ATP10D: variants seen among roughly 807,000 people sequenced by gnomAD.
The protein encoded by ATP10D is ATPase phospholipid transporting 10D (putative).
A neutral mutation model predicts 144.8 loss-of-function variants in ATP10D; 89 were observed. The ratio of observed to expected loss-of-function variants is 0.61; its 90% confidence interval spans 0.52 to 0.73. ATP10D has a LOEUF of 0.73. Among genes scored for constraint, ATP10D ranks in the 30% least tolerant of loss-of-function variants. The probability of loss-of-function intolerance (pLI) is 0.00; values close to 1 mark genes in which losing one functional copy is unlikely to be tolerated. For synonymous variants in ATP10D, 571 were observed against 615.1 expected (o/e 0.93, Z 1.06); for missense variants, 1,603 against 1,714.8 (o/e 0.93, Z 1.15).
At chr4:47,550,902 A>C (rs923814992) in intron 10 of ATP10D, among the ~76,000 whole-genome samples, 1 of 152,236 alleles carries the variant, frequency 6.6e-6, no homozygotes, top group Non-Finnish European at 1.5e-5. Flanking sequence ...GAGCCATAAC[A>C]AACACGGACC....
rs567559187 is a variant in ATP10D at position 47,486,224 on chromosome 4, A to G, written c.-38+705A>G. 8.2e-4 allele frequency among the ~76,000 whole-genome samples: 125 copies of G among 152,352 alleles called. 1 individual carries two copies. The highest frequency in any genetic ancestry group is 1.9e-3 in the South Asian group (9 of 4,834). ...TTACCACGTACAGCAGAGAGACATC[A>G]GTTGGTTAGGGAATGGATGGTTATT... On this transcript the variant is annotated intron_variant, in intron 1 of 22. Coordinates refer to ENST00000273859, the MANE Select transcript of ATP10D (RefSeq NM_020453.4).
chr4:47,589,756 T>G (rs1376442155), intron 22 of ATP10D, among the ~76,000 whole-genome samples: 1 of 152,172 alleles, frequency 6.6e-6, no homozygotes, highest in Non-Finnish European at 1.5e-5. Context: ...ATTTTATGAC[T>G]ATACCATTAA....
intron 15 of ATP10D, 83 bp from the exon 16 acceptor site, chr4:47,568,754 G>A (rs1480193561): frequency 5.7e-6 from 7 of 1,229,020 alleles, no homozygotes; most frequent in Non-Finnish European, 6.9e-6. Flanking sequence ...TTCAGCAATT[G>A]CTAAAAAATG....
chr4:47,538,776 G>T (rs973274487), intron 9 of ATP10D, among the ~76,000 whole-genome samples: 2 of 152,146 alleles, frequency 1.3e-5, no homozygotes, highest in Non-Finnish European at 2.9e-5. Context: ...GCTCCAAGAG[G>T]TTGCTTGCTG....
intron 21 of ATP10D, among the ~76,000 whole-genome samples, chr4:47,584,347 C>T (rs1720677557): frequency 6.6e-6 from 1 of 152,106 alleles, no homozygotes; most frequent in Admixed American, 6.6e-5. Context: ...CACTATCTCA[C>T]TTGCCAAAGG....
intron 1 of ATP10D, among the ~76,000 whole-genome samples, chr4:47,488,578 C>A: frequency 9.0e-6 from 1 of 110,656 alleles, no homozygotes. Context: ...GACAAAATAC[C>A]ACTTTCAGAA....
rs202028690 is a variant in ATP10D, at chr4:47,512,691, C to T, written c.151C>T (p.Arg51Trp). The change falls in exon 2 of 23, where the codon CGG becomes TGG. Residue 51 changes from arginine to tryptophan, a missense_variant. Transcript: ENST00000273859. ...SQTPKLSGRH[R>W]IVVPHIQPFK... ...GACCCCTAAACTGTCAGGAAGGCAC[C>T]GGATTGTTGTTCCCCACATCCAGCC... 120 of 1,614,036 alleles carry T rather than the reference C, an allele frequency of 7.4e-5. No homozygotes were observed. The highest frequency in any genetic ancestry group is 1.6e-4 in the East Asian group (7 of 44,888).
At chr4:47,571,336 A>G (rs1719941292) in intron 16 of ATP10D, among the ~76,000 whole-genome samples, 3 of 148,690 alleles carry the variant, frequency 2.0e-5, no homozygotes, top group African/African-American at 4.9e-5. Flanking sequence ...TATATCATGC[A>G]TTATGTAATA....
chr4:47,545,839 A>G (rs1577669407), intron 9 of ATP10D, among the ~76,000 whole-genome samples: 1 of 152,180 alleles, frequency 6.6e-6, no homozygotes, highest in East Asian at 1.9e-4. Flanking sequence ...AGGATCTATT[A>G]TAAATTGTGT....
chr4:47,512,662 C>G lies in ATP10D; in HGVS notation c.122C>G (p.Ser41Cys). The G allele has an allele frequency of 6.2e-7, 1 of 1,614,168 alleles. No individual in the cohort carries two copies. The highest frequency in any genetic ancestry group is 8.5e-7 in the Non-Finnish European group (1 of 1,180,026). ...SSLLACGRKSSQTPKLSGRHR... is the reference protein window; with the variant it reads ...SSLLACGRKSCQTPKLSGRHR... ...TTGCTCGCCTGTGGGCGCAAGTCCTCTCAGACCCCTAAACTGTCAGGAAGG... is the reference window on the plus strand; with the variant it reads ...TTGCTCGCCTGTGGGCGCAAGTCCTGTCAGACCCCTAAACTGTCAGGAAGG... The change falls in exon 2 of 23, where the codon TCT becomes TGT. Residue 41 changes from serine (S) to cysteine (C), a missense_variant. Physicochemically the swap from Ser to Cys is moderately radical, Grantham distance 112 (BLOSUM62 -1). Transcript: ENST00000273859.
chr4:47,496,971 A>G lies in ATP10D; in HGVS notation c.-38+11452A>G, dbSNP rs113008635. Among the ~76,000 whole-genome samples, 313 of 152,132 alleles carry G rather than the reference A, an allele frequency of 2.1e-3. 2 individuals carry two copies. The highest frequency in any genetic ancestry group is 7.2e-3 in the African/African-American group (299 of 41,536). On this transcript the variant is annotated intron_variant, in intron 1 of 22. Transcript: ENST00000273859. ...ATTCTCATGCCTCAGCCTCCTGAGT[A>G]GCTGTGATTACAGTTGCCCGCTACC...
chr4:47,512,156 A>T (rs989481256), intron 1 of ATP10D, among the ~76,000 whole-genome samples: 16 of 152,204 alleles, frequency 1.1e-4, no homozygotes, highest in Non-Finnish European at 7.3e-5. Context: ...CCTCAAAACA[A>T]TTTCCTGACA....
At chr4:47,547,348 T>G (rs1175197380) in intron 10 of ATP10D, 1 of 162,984 alleles carries the variant, frequency 6.1e-6, no homozygotes, top group Non-Finnish European at 1.4e-5. Flanking sequence ...AGAAGGTCAT[T>G]TTCTAATATA....
chr4:47,532,008 G>A (rs1717591451), intron 5 of ATP10D, among the ~76,000 whole-genome samples: 1 of 152,198 alleles, frequency 6.6e-6, no homozygotes, highest in Non-Finnish European at 1.5e-5. Context: ...TGAGAACACT[G>A]TTGCCACAGA....
intron 1 of ATP10D, among the ~76,000 whole-genome samples, chr4:47,489,867 G>A (rs1173788347): frequency 2.0e-5 from 3 of 152,094 alleles, no homozygotes; most frequent in Non-Finnish European, 2.9e-5. Context: ...CAGGGCCTAC[G>A]GCTGATAGGT....
intron 1 of ATP10D, among the ~76,000 whole-genome samples, chr4:47,506,145 A>C (rs886882212): frequency 1.3e-5 from 2 of 152,184 alleles, no homozygotes; most frequent in African/African-American, 4.8e-5. Flanking sequence ...CTATAATTAG[A>C]AATAATGTAA....
rs145978073 is a variant in ATP10D, at chr4:47,560,907, C to G, written c.2542-42C>G. On this transcript the variant is annotated intron_variant, in intron 13 of 22. Coordinates refer to ENST00000273859, the MANE Select transcript of ATP10D (RefSeq NM_020453.4). ...GTCAGTCCTGGTATTCCCACAAGAT[C>G]ATATGGCTTGCTTCATACCTCTCTT... 6 of 1,612,020 alleles carry G rather than the reference C, an allele frequency of 3.7e-6. No individual in the cohort carries two copies. The South Asian group carries it at 6.6e-5, about 18-fold the overall frequency.
chr4:47,582,485 C>G (rs1466170325), intron 21 of ATP10D, among the ~76,000 whole-genome samples: 1 of 152,030 alleles, frequency 6.6e-6, no homozygotes, highest in Non-Finnish European at 1.5e-5. Context: ...TGGGTAAAAC[C>G]CTTCAGTGGT....
In ATP10D at chr4:47,548,198, C is replaced by T. The variant is rs373966317; in HGVS notation, c.1635+1336C>T. 4.9e-4 allele frequency among the ~76,000 whole-genome samples: 75 copies of T among 152,252 alleles called. 1 individual carries two copies. Among genetic ancestry groups the T allele is most frequent in the African/African-American group, 1.7e-3 (70 of 41,550 alleles). ...CACCTTATTGGTTTCTTGATCAAAC[C>T]TCACCCTATTCGTGGAACAAATGAT... On this transcript the variant is annotated intron_variant, in intron 10 of 22. Coordinates refer to ENST00000273859, the MANE Select transcript of ATP10D (RefSeq NM_020453.4).
Sources: gnomAD v4.1 joint callset for allele counts (sites outside exome capture counted in the v4.1 genomes callset) on GRCh38, gnomAD v4.1.1 for gene constraint, MANE v1.5 for transcripts, NCBI Gene and HGNC (gene_info 2026-07-23, HGNC 2026-07-21) for gene names.